KCTD8: variants seen among roughly 807,000 people sequenced by gnomAD.
KCTD8 encodes the protein BTB/POZ domain-containing protein KCTD8.
A neutral mutation model predicts 31.5 loss-of-function variants in KCTD8; 27 were observed. The observed-to-expected ratio is 0.86, with a 90% CI of 0.63 to 1.18. KCTD8 has a LOEUF of 1.18. Ranked by LOEUF, KCTD8 falls within the 50% of genes most tolerant of loss-of-function variation. The pLI is 0.00. For synonymous variants in KCTD8, 290 were observed against 280.0 expected (o/e 1.04, Z -0.36); for missense variants, 658 against 647.7 (o/e 1.02, Z -0.17).
At chr4:44,344,022 C>A (rs1718973994) in intron 1 of KCTD8, among the ~76,000 whole-genome samples, 1 of 151,990 alleles carries the variant, frequency 6.6e-6, no homozygotes, top group African/African-American at 2.4e-5. Flanking sequence ...CCACACCCAG[C>A]TAATTTTTGT....
In KCTD8 at chr4:44,238,200, C is replaced by A. The variant is rs544094387; in HGVS notation, c.962-62950G>T. Among the ~76,000 whole-genome samples the A allele has an allele frequency of 6.6e-5, 10 of 152,134 alleles. No individual in the cohort carries two copies. The East Asian group carries it at 9.7e-4, about 15-fold the overall frequency. On this transcript the variant is annotated intron_variant, in intron 1 of 1. Coordinates refer to ENST00000360029, the MANE Select transcript of KCTD8 (RefSeq NM_198353.3). ...CCTCTACTTGCAAAGTTCTCCCCGC[C>A]CTACACTAGTCAACTGCTACTCATG...
At chr4:44,421,912 G>C (rs1050201881) in intron 1 of KCTD8, among the ~76,000 whole-genome samples, 1 of 152,002 alleles carries the variant, frequency 6.6e-6, no homozygotes, top group African/African-American at 2.4e-5. Context: ...CTGTGTATCT[G>C]CTTTTATTTC....
chr4:44,185,944 G>A (rs1390063885), intron 1 of KCTD8, among the ~76,000 whole-genome samples: 1 of 152,140 alleles, frequency 6.6e-6, no homozygotes, highest in African/African-American at 2.4e-5. Flanking sequence ...ACAGGGAAGT[G>A]CTGGGAGGAA....
chr4:44,316,461 A>G (rs1231024328), intron 1 of KCTD8, among the ~76,000 whole-genome samples: 1 of 151,974 alleles, frequency 6.6e-6, no homozygotes, highest in Non-Finnish European at 1.5e-5. Context: ...TGTTGTCTTC[A>G]GATGTCATGC....
At chr4:44,358,646 G>A (rs567317317) in intron 1 of KCTD8, among the ~76,000 whole-genome samples, 7 of 151,600 alleles carry the variant, frequency 4.6e-5, no homozygotes, top group Admixed American at 2.0e-4. Context: ...TCGGCTCACC[G>A]AAAGCTCCGC....
chr4:44,386,593 A>T (rs1720229251), intron 1 of KCTD8, among the ~76,000 whole-genome samples: 1 of 151,662 alleles, frequency 6.6e-6, no homozygotes, highest in Admixed American at 6.6e-5. Context: ...AAGACAGGCA[A>T]TAACAAATGC....
chr4:44,344,184 T>C (rs1577627008), intron 1 of KCTD8, among the ~76,000 whole-genome samples: 1 of 151,952 alleles, frequency 6.6e-6, no homozygotes, highest in Admixed American at 6.6e-5. Flanking sequence ...AATTAATTAA[T>C]TAATTAATTA....
intron 1 of KCTD8, among the ~76,000 whole-genome samples, chr4:44,408,279 T>A (rs1720853105): frequency 6.6e-6 from 1 of 152,182 alleles, no homozygotes; most frequent in Non-Finnish European, 1.5e-5. Flanking sequence ...AAATATTAAA[T>A]CCATACTTCT....
At chr4:44,181,567 G>A (rs1713405262) in intron 1 of KCTD8, among the ~76,000 whole-genome samples, 1 of 152,188 alleles carries the variant, frequency 6.6e-6, no homozygotes. Context: ...GCCCAGGCTG[G>A]AGTGCAGTGG....
chr4:44,218,371 T>A (rs1714711713), intron 1 of KCTD8, among the ~76,000 whole-genome samples: 1 of 151,364 alleles, frequency 6.6e-6, no homozygotes, highest in Non-Finnish European at 1.5e-5. Flanking sequence ...TGACCTCAGG[T>A]GATCTGTCCG....
rs187856098 is a variant in KCTD8 at position 44,253,006 on chromosome 4, C to G, written c.962-77756G>C. Among the ~76,000 whole-genome samples, 17 of 151,838 alleles carry G rather than the reference C, an allele frequency of 1.1e-4. No homozygotes were observed. The East Asian group carries it at 2.7e-3, about 24-fold the overall frequency. On this transcript the variant is annotated intron_variant, in intron 1 of 1. Coordinates refer to ENST00000360029, the MANE Select transcript of KCTD8 (RefSeq NM_198353.3). Reference sequence around the variant, plus strand: ...TGTATTGATTCCATTCACTGAATGGCTGAAAATTATTCAATTTTTTTTCCT... The same window carrying G: ...TGTATTGATTCCATTCACTGAATGGGTGAAAATTATTCAATTTTTTTTCCT...
At chr4:44,199,568 C>A (rs754454376) in intron 1 of KCTD8, among the ~76,000 whole-genome samples, 2 of 151,868 alleles carry the variant, frequency 1.3e-5, no homozygotes, top group Admixed American at 1.3e-4. Flanking sequence ...GGGTGAATGA[C>A]AAAATTAGGC....
chr4:44,338,207 A>G (rs1004226225), intron 1 of KCTD8, among the ~76,000 whole-genome samples: 1 of 152,146 alleles, frequency 6.6e-6, no homozygotes, highest in Non-Finnish European at 1.5e-5. Context: ...GCTTATCTCA[A>G]TTTTCAGAAT....
At chr4:44,243,523 A>C (rs575067611) in intron 1 of KCTD8, among the ~76,000 whole-genome samples, 5 of 152,180 alleles carry the variant, frequency 3.3e-5, no homozygotes, top group Non-Finnish European at 7.3e-5. Context: ...TTCATAAATA[A>C]AGGCAAGGCC....
chr4:44,432,526 A>G (rs1411819091), intron 1 of KCTD8, among the ~76,000 whole-genome samples: 1 of 151,726 alleles, frequency 6.6e-6, no homozygotes, highest in Non-Finnish European at 1.5e-5. Flanking sequence ...AATTTTTACC[A>G]GCATCCCAGG....
At chr4:44,447,344 T>A (rs184440006) in intron 1 of KCTD8, among the ~76,000 whole-genome samples, 1 of 152,218 alleles carries the variant, frequency 6.6e-6, no homozygotes, top group Non-Finnish European at 1.5e-5. Context: ...TGGGTGCTAC[T>A]GAGTTCTAGA....
At chr4:44,182,582 G>A (rs1477034027) in intron 1 of KCTD8, among the ~76,000 whole-genome samples, 1 of 152,134 alleles carries the variant, frequency 6.6e-6, no homozygotes, top group Non-Finnish European at 1.5e-5. Context: ...ACAGATGCTT[G>A]AAGGCAGCAT....
At chr4:44,323,294 G>C (rs1326503382) in intron 1 of KCTD8, among the ~76,000 whole-genome samples, 1 of 151,890 alleles carries the variant, frequency 6.6e-6, no homozygotes, top group East Asian at 1.9e-4. Flanking sequence ...AGGAGTTCGA[G>C]ACCAGCCTGG....
chr4:44,228,407 T>C (rs1019207163), intron 1 of KCTD8, among the ~76,000 whole-genome samples: 1 of 152,190 alleles, frequency 6.6e-6, no homozygotes, highest in African/African-American at 2.4e-5. Context: ...GAGCCCTATC[T>C]CAAAAGACAG....
Sources: gnomAD v4.1 joint callset for allele counts (sites outside exome capture counted in the v4.1 genomes callset) on GRCh38, gnomAD v4.1.1 for gene constraint, MANE v1.5 for transcripts, NCBI Gene and HGNC (gene_info 2026-07-23, HGNC 2026-07-21) for gene names.